The following DENND1B variants were observed in gnomAD, a reference collection of about 807,000 sequenced individuals.
DENND1B encodes the protein DENN domain containing 1B, also known as DENN domain-containing protein 1B.
DENND1B carries 59 observed loss-of-function variants against 90.1 expected under a neutral mutation model. The ratio of observed to expected loss-of-function variants is 0.65; its 90% CI spans 0.53 to 0.81. DENND1B has a LOEUF of 0.81. DENND1B is among the 40% of genes least tolerant of loss of function. The pLI is 0.00. For synonymous variants in DENND1B, 337 were observed against 324.6 expected, an observed-to-expected ratio of 1.04 and a Z score of -0.41; for missense variants, 862 against 912.6, an observed-to-expected ratio of 0.94 and a Z score of 0.71.
chr1:197,763,491 A>C (rs931711087), intron 2 of DENND1B, among the ~76,000 whole-genome samples: 1 of 152,218 alleles, frequency 6.6e-6, no homozygotes, highest in Non-Finnish European at 1.5e-5. Context: ...TATGAGTCAG[A>C]CACTGTTTTA....
intron 10 of DENND1B, among the ~76,000 whole-genome samples, chr1:197,622,104 T>A (rs886941430): frequency 4.0e-5 from 6 of 151,354 alleles, no homozygotes; most frequent in African/African-American, 1.5e-4. Context: ...CTGCAACAGT[T>A]AACTCAGTCA....
rs1388924680 is a variant in DENND1B, at chr1:197,645,678, T to C, written c.561+12A>G. The stretch of plus-strand genomic sequence containing the variant: ...ATATAAGAATAATTAAAGTAGAAAA[T>C]AGGAAACTTACACTCTCGGGTATTG... On this transcript the variant is annotated intron_variant, in intron 9 of 22. Coordinates refer to ENST00000620048, the MANE Select transcript of DENND1B (RefSeq NM_001195215.2). 2.7e-6 allele frequency: 4 copies of C among 1,496,698 alleles called. No homozygotes were observed. Among genetic ancestry groups the C allele is most frequent in the African/African-American group, 2.8e-5 (2 of 70,486 alleles). 92.7% of individuals were successfully genotyped at this position (1,496,698 alleles called of 1,614,324 possible). A position where few individuals can be genotyped will look rare whatever the true frequency, so the allele number is the denominator to read the frequency against.
chr1:197,737,859 G>C (rs908688450), intron 2 of DENND1B, among the ~76,000 whole-genome samples: 2 of 152,144 alleles, frequency 1.3e-5, no homozygotes, highest in African/African-American at 2.4e-5. Context: ...TAGTCTGGTA[G>C]AACTGTGTTT....
chr1:197,645,737 A>T lies in DENND1B; in HGVS notation c.514T>A (p.Tyr172Asn). 1 of 1,569,996 alleles carries T rather than the reference A, an allele frequency of 6.4e-7. No homozygotes were observed. ...CCAGTTACATCAGGGGCAATGAAGT[A>T]GGAATGCTAATCAATACAAATAAAT... ...KDQPALVPHS[Y>N]FIAPDVTGLP... Residue 172 changes from tyrosine to asparagine, a missense_variant, in exon 9 of 23, where the codon TAC becomes AAC. Transcript: ENST00000620048.
chr1:197,510,608 A>G lies in DENND1B; in HGVS notation c.2180T>C (p.Val727Ala), dbSNP rs1267904131. The change falls in exon 23 of 23, where the codon GTT becomes GCT. Residue 727 changes from valine to alanine, a missense_variant. Val to Ala is a moderately conservative substitution (Grantham distance 64). Coordinates refer to ENST00000620048, the MANE Select transcript of DENND1B (RefSeq NM_001195215.2). ...TTCTTTCCCTTCTTTCTCCCAAGGA[A>G]CAAAAGTCGATGAATGCCGCCCAAG... ...PGLGRHSSTF[V>A]PWEKEGKEAK... The G allele has an allele frequency of 6.2e-7, 1 of 1,612,796 alleles. No individual in the cohort carries two copies. The highest frequency in any genetic ancestry group is 8.5e-7 in the Non-Finnish European group (1 of 1,179,218).
chr1:197,745,767 A>G (rs905174848), intron 2 of DENND1B, among the ~76,000 whole-genome samples: 2 of 151,734 alleles, frequency 1.3e-5, no homozygotes, highest in African/African-American at 2.4e-5. Context: ...AAAGAATGGC[A>G]TGGCTGAGAA....
rs545523041 is a variant in DENND1B, at chr1:197,734,833, G to A, written c.83-19759C>T. ...TTAACCTACAACAAACTTAACAAAA[G>A]AAATACATTTATTCATAAGGGGGAA... On this transcript the variant is annotated intron_variant, in intron 2 of 22. Transcript: ENST00000620048. 9.2e-4 allele frequency: 906 copies of A among 984,178 alleles called. 5 individuals are homozygous for A. In the African/African-American group the frequency reaches 0.014, roughly 16 times the overall value. The allele number at this position is 984,178 out of a possible 1,614,324, so 61.0% of individuals were successfully genotyped here.
In DENND1B at chr1:197,714,712, C is replaced by T. The variant is rs184244383; in HGVS notation, c.126+319G>A. 4.4e-3 allele frequency among the ~76,000 whole-genome samples: 662 copies of T among 152,132 alleles called. 3 individuals carry two copies. The highest frequency in any genetic ancestry group is 0.014 in the African/African-American group (596 of 41,534). ...ATATTTAACAAAGATTTCATATTGT[C>T]AACTTTTTATTGTTTTTAATGTTTT... On this transcript the variant is annotated intron_variant, in intron 3 of 22. Coordinates refer to ENST00000620048, the MANE Select transcript of DENND1B (RefSeq NM_001195215.2).
intron 20 of DENND1B, among the ~76,000 whole-genome samples, chr1:197,537,955 G>C (rs1670040380): frequency 2.0e-5 from 3 of 151,800 alleles, no homozygotes. Context: ...TATTTAATTA[G>C]TCCACATTAC....
At chr1:197,692,011 A>G (rs1008107505) in intron 3 of DENND1B, among the ~76,000 whole-genome samples, 2 of 152,020 alleles carry the variant, frequency 1.3e-5, no homozygotes, top group South Asian at 2.1e-4. Flanking sequence ...GTTCAGTTAT[A>G]TAACATGAAT....
At chr1:197,604,942 C>A (rs534496230) in intron 13 of DENND1B, among the ~76,000 whole-genome samples, 1 of 150,810 alleles carries the variant, frequency 6.6e-6, no homozygotes, top group South Asian at 2.1e-4. Flanking sequence ...TAAAAATCAC[C>A]CAAAAAATTT....
chr1:197,511,828 A>C lies in DENND1B; in HGVS notation c.1715T>G (p.Leu572Arg). The change falls in exon 22 of 23, where the codon CTT becomes CGT. Residue 572 changes from leucine (L) to arginine (R), a missense_variant. Coordinates refer to ENST00000620048, the MANE Select transcript of DENND1B (RefSeq NM_001195215.2). ...TGAGCTGTGTGTGCTCAATGTATCA[A>C]GAATCTCTCCTAGTAAGTCCATTTC... ...SGEMDLLGEI[L>R]DTLSTHSSDQ... The C allele has an allele frequency of 6.2e-7, 1 of 1,611,472 alleles. No homozygotes were observed. The highest frequency in any genetic ancestry group is 8.5e-7 in the Non-Finnish European group (1 of 1,178,344).
At position 197,593,095 on chromosome 1, in the gene DENND1B, T is replaced by C. The variant is rs187518093; in HGVS notation, c.1047+2113A>G. ...AGAGAGAAGACATTGGTCTATTATA[T>C]CAATGACCGAAAAGAATTATAAAAC... On this transcript the variant is annotated intron_variant, in intron 14 of 22. Transcript: ENST00000620048. Among the ~76,000 whole-genome samples the C allele has an allele frequency of 1.6e-3, 250 of 152,016 alleles. 7 individuals carry two copies. The highest frequency in any genetic ancestry group is 0.014 in the Admixed American group (221 of 15,252).
chr1:197,634,773 G>A (rs779507148), intron 10 of DENND1B, among the ~76,000 whole-genome samples: 7 of 152,186 alleles, frequency 4.6e-5, no homozygotes, highest in African/African-American at 9.7e-5. Flanking sequence ...AGTGTTGCTT[G>A]AGCCCAGGAG....
intron 3 of DENND1B, among the ~76,000 whole-genome samples, chr1:197,691,620 T>C (rs1274352664): frequency 6.6e-6 from 1 of 151,952 alleles, no homozygotes; most frequent in East Asian, 1.9e-4. Flanking sequence ...TTATCCAAAA[T>C]AACTGAAATC....
rs1047159263 is a variant in DENND1B, at chr1:197,561,416, T to C, written c.1150-8304A>G. Among the ~76,000 whole-genome samples the C allele has an allele frequency of 2.0e-5, 3 of 151,924 alleles. No individual in the cohort carries two copies. In the Admixed American group the frequency reaches 2.0e-4, roughly 10 times the overall value. On this transcript the variant is annotated intron_variant, in intron 15 of 22. Transcript: ENST00000620048. ...TAAAGTACTCTTCTGGTTTCTGTCC[T>C]ACCTAATTGTTCATCCACTCTTTCA... is the stretch of plus-strand genomic sequence containing the variant.
chr1:197,607,424 A>G (rs969947581), intron 12 of DENND1B, among the ~76,000 whole-genome samples: 2 of 150,912 alleles, frequency 1.3e-5, no homozygotes, highest in African/African-American at 4.8e-5. Context: ...TAACTACAAC[A>G]AAAATTCTTA....
chr1:197,623,819 C>T (rs939985144), intron 10 of DENND1B, among the ~76,000 whole-genome samples: 3 of 151,390 alleles, frequency 2.0e-5, no homozygotes, highest in Non-Finnish European at 4.4e-5. Flanking sequence ...TGACATGTAT[C>T]CACCATTATA....
chr1:197,670,939 G>A (rs918762951), intron 5 of DENND1B, among the ~76,000 whole-genome samples: 1 of 152,094 alleles, frequency 6.6e-6, no homozygotes, highest in Non-Finnish European at 1.5e-5. Flanking sequence ...GTGCTAAAGA[G>A]AGAATGGGGG....
Sources: allele counts gnomAD v4.1 joint callset (sites outside exome capture counted in the v4.1 genomes callset), GRCh38; gene constraint gnomAD v4.1.1; transcripts MANE v1.5; gene names NCBI Gene and HGNC (gene_info 2026-07-23, HGNC 2026-07-21).